EPB41L5: variants seen among roughly 807,000 people sequenced by gnomAD.
EPB41L5 encodes erythrocyte membrane protein band 4.1 like 5, also known as band 4.1-like protein 5.
A neutral mutation model predicts 106.6 loss-of-function variants in EPB41L5; 55 were observed. The observed-to-expected ratio is 0.52, with a 90% CI of 0.42 to 0.65. The LOEUF is 0.65. Among genes scored for constraint, EPB41L5 ranks in the 30% least tolerant of loss-of-function variants. The pLI is 0.00. For synonymous variants in EPB41L5, 297 were observed against 306.7 expected (o/e 0.97, Z 0.33); for missense variants, 871 against 882.1 (o/e 0.99, Z 0.16).
At chr2:120,095,058 A>G (rs980816213) in intron 14 of EPB41L5, among the ~76,000 whole-genome samples, 4 of 152,052 alleles carry the variant, frequency 2.6e-5, no homozygotes, top group African/African-American at 9.7e-5. Context: ...CTGTTAGTTT[A>G]TTGTGTTCAG....
At chr2:120,091,514 T>C (rs566438260) in intron 12 of EPB41L5, 41 bp from the exon 13 acceptor site, 1 of 1,415,650 alleles carries the variant, frequency 7.1e-7, no homozygotes, top group Admixed American at 1.7e-5. Flanking sequence ...TTTATTACTG[T>C]AGACCTAAAA....
chr2:120,093,231 T>C lies in EPB41L5; in HGVS notation c.1151-18T>C, dbSNP rs537914432. 17 of 1,611,306 alleles carry C rather than the reference T, an allele frequency of 1.1e-5. No individual in the cohort carries two copies. The highest frequency in any genetic ancestry group is 6.7e-5 in the East Asian group (3 of 44,838). On this transcript the variant is annotated intron_variant, in intron 13 of 24. Transcript: ENST00000263713. ...GTAAGATGAAACTAATGAGGTGTTA[T>C]CTTTTTTCTTCTGTTAGCATGTGCT...
chr2:120,144,930 C>T (rs922703166), intron 19 of EPB41L5, among the ~76,000 whole-genome samples: 2 of 152,110 alleles, frequency 1.3e-5, no homozygotes, highest in South Asian at 4.1e-4. Context: ...AAGCATTTCA[C>T]AAAATTCAAC....
chr2:120,075,834 A>G, intron 7 of EPB41L5, 81 bp downstream of exon 7: 3 of 1,116,274 alleles, frequency 2.7e-6, no homozygotes, highest in East Asian at 2.4e-5. Flanking sequence ...GATTCTAATT[A>G]TGTGCAAGAA....
Position 120,160,877 on chromosome 2 carries a change from C to T in EPB41L5, c.1794-4C>T, listed in dbSNP as rs764398861. The T allele has an allele frequency of 6.2e-7, 1 of 1,606,642 alleles. No homozygotes were observed. Reference sequence around the variant, plus strand: ...ATGATGTGAATTTATCTTTTTCTTCCTAGTGCTGTGTTAAATGAGAATAAT... The same window carrying T: ...ATGATGTGAATTTATCTTTTTCTTCTTAGTGCTGTGTTAAATGAGAATAAT... On this transcript the variant is annotated splice_polypyrimidine_tract_variant and splice_region_variant and intron_variant, in intron 20 of 24. Coordinates refer to ENST00000263713, the MANE Select transcript of EPB41L5 (RefSeq NM_020909.4).
At chr2:120,142,753 G>C (rs1321734955) in intron 18 of EPB41L5, among the ~76,000 whole-genome samples, 1 of 152,088 alleles carries the variant, frequency 6.6e-6, no homozygotes. Flanking sequence ...CAGGTGGTTG[G>C]CCAGATTTGC....
chr2:120,058,268 C>T (rs1680793847), intron 3 of EPB41L5, among the ~76,000 whole-genome samples: 1 of 152,166 alleles, frequency 6.6e-6, no homozygotes, highest in Non-Finnish European at 1.5e-5. Context: ...TCACTGTAGC[C>T]TTGATCCCCT....
intron 18 of EPB41L5, among the ~76,000 whole-genome samples, chr2:120,142,438 A>G (rs1461063932): frequency 6.6e-6 from 1 of 152,152 alleles, no homozygotes; most frequent in African/African-American, 2.4e-5. Context: ...TTAAAAGCAT[A>G]AAGGAACAGA....
intron 3 of EPB41L5, among the ~76,000 whole-genome samples, chr2:120,064,781 A>T (rs1681329933): frequency 1.3e-5 from 2 of 152,218 alleles, no homozygotes; most frequent in South Asian, 4.1e-4. Context: ...ATATAAACTC[A>T]ACTCCTAAAG....
chr2:120,173,821 A>G (rs909158924), intron 24 of EPB41L5, among the ~76,000 whole-genome samples: 1 of 152,140 alleles, frequency 6.6e-6, no homozygotes, highest in African/African-American at 2.4e-5. Flanking sequence ...TAGCTGGGCT[A>G]CAGGCATATA....
At chr2:120,077,414 A>T (rs760985038) in intron 9 of EPB41L5, 98 bp downstream of exon 9, 42 of 948,984 alleles carry the variant, frequency 4.4e-5, no homozygotes, top group Non-Finnish European at 6.7e-5. Flanking sequence ...TGGAGTTTGC[A>T]TAAGCTAGCA....
intron 20 of EPB41L5, among the ~76,000 whole-genome samples, chr2:120,156,247 C>T (rs1203050392): frequency 1.3e-5 from 2 of 152,188 alleles, no homozygotes; most frequent in Non-Finnish European, 2.9e-5. Flanking sequence ...CCCAGCCTGG[C>T]CATACCTGCT....
intron 7 of EPB41L5, among the ~76,000 whole-genome samples, chr2:120,076,470 C>A (rs1048076043): frequency 3.4e-5 from 2 of 58,898 alleles, no homozygotes; most frequent in Non-Finnish European, 5.7e-5. Context: ...AATTTTTGTA[C>A]TTTTTTTTTT....
rs1292996365 is a variant in EPB41L5, at chr2:120,019,156, A to G, written c.72A>G (p.Arg24=). The G allele has an allele frequency of 6.2e-7, 1 of 1,614,104 alleles. No homozygotes were observed. The highest frequency in any genetic ancestry group is 8.5e-7 in the Non-Finnish European group (1 of 1,180,006). ...MRKHAEKERL[R]EAQRAATHIP... is the part of the protein sequence containing the mutation. ...AACATGCAGAGAAGGAACGACTCCG[A>G]GAAGCACAACGCGCCGCCACACATA... Residue 24 remains arginine (R), a synonymous_variant, in exon 2 of 25, where the codon CGA becomes CGG. Transcript: ENST00000263713.
At chr2:120,073,700 A>G (rs1432315860) in intron 4 of EPB41L5, among the ~76,000 whole-genome samples, 1 of 152,230 alleles carries the variant, frequency 6.6e-6, no homozygotes, top group African/African-American at 2.4e-5. Flanking sequence ...CTCTTGTCTC[A>G]AAATAATGAG....
At chr2:120,094,464 G>T (rs1196206327) in intron 14 of EPB41L5, among the ~76,000 whole-genome samples, 2 of 125,948 alleles carry the variant, frequency 1.6e-5, no homozygotes, top group African/African-American at 3.3e-5. Flanking sequence ...TTAGTATTTT[G>T]AGTTTTTTTT....
chr2:120,074,055 T>G (rs1159864940), intron 4 of EPB41L5, 45 bp from the exon 5 acceptor site: 2 of 1,413,530 alleles, frequency 1.4e-6, no homozygotes, highest in East Asian at 4.9e-5. Context: ...AAGTATTATT[T>G]AAGTAGTTTA....
intron 11 of EPB41L5, among the ~76,000 whole-genome samples, chr2:120,088,843 C>T (rs1683233484): frequency 6.6e-6 from 1 of 152,074 alleles, no homozygotes; most frequent in African/African-American, 2.4e-5. Context: ...TAGTACTTAT[C>T]TGTGTAGTTA....
chr2:120,105,261 T>C (rs902831013), intron 16 of EPB41L5: 2 of 980,134 alleles, frequency 2.0e-6, no homozygotes, highest in Non-Finnish European at 2.4e-6. Context: ...TCTTCTGTCT[T>C]TTTTTAGTTT....
Sources: gnomAD v4.1 joint callset for allele counts (sites outside exome capture counted in the v4.1 genomes callset) on GRCh38, gnomAD v4.1.1 for gene constraint, MANE v1.5 for transcripts, NCBI Gene and HGNC (gene_info 2026-07-23, HGNC 2026-07-21) for gene names.